Variants in DPP6 observed in about 807,000 individuals in gnomAD.
DPP6 encodes A-type potassium channel modulatory protein DPP6.
Under a neutral mutation model 122.6 loss-of-function variants are expected in DPP6, and 69 were observed. The observed-to-expected ratio is 0.56, with a 90% CI of 0.46 to 0.69. The LOEUF is 0.69. Ranked by LOEUF, DPP6 falls within the 30% of genes least tolerant of loss-of-function variation. The probability of loss-of-function intolerance (pLI) is 0.00; values close to 1 mark genes in which losing one functional copy is unlikely to be tolerated. For synonymous variants in DPP6, 418 were observed against 433.1 expected (o/e 0.97, Z 0.43); for missense variants, 928 against 1,116.9 (o/e 0.83, Z 2.41).
At chr7:154,497,737 A>T (rs980564457) in intron 3 of DPP6, among the ~76,000 whole-genome samples, 9 of 152,146 alleles carry the variant, frequency 5.9e-5, no homozygotes, top group South Asian at 2.1e-4. Flanking sequence ...CCCATTTTTT[A>T]AAATTGGCAT....
At chr7:153,977,243 T>G (rs1796357036) in intron 1 of DPP6, among the ~76,000 whole-genome samples, 1 of 151,896 alleles carries the variant, frequency 6.6e-6, no homozygotes, top group Admixed American at 6.6e-5. Context: ...TTTGATCAGC[T>G]TTTATTACAA....
intron 16 of DPP6, among the ~76,000 whole-genome samples, chr7:154,853,155 G>T (rs764102767): frequency 1.3e-5 from 2 of 152,080 alleles, no homozygotes; most frequent in Non-Finnish European, 2.9e-5. Flanking sequence ...AAGAAGAATC[G>T]AGAAGTCACC....
At chr7:153,988,172 G>C (rs1221865997) in intron 1 of DPP6, among the ~76,000 whole-genome samples, 1 of 152,184 alleles carries the variant, frequency 6.6e-6, no homozygotes, top group South Asian at 2.1e-4. Context: ...GACGGAGGAG[G>C]GAGGGAGGGC....
chr7:154,213,098 A>G (rs1242611573), intron 1 of DPP6, among the ~76,000 whole-genome samples: 1 of 152,078 alleles, frequency 6.6e-6, no homozygotes, highest in African/African-American at 2.4e-5. Flanking sequence ...AGGTGGGAGG[A>G]TGCCACCTGC....
At chr7:154,842,392 T>G (rs1195531343) in intron 16 of DPP6, among the ~76,000 whole-genome samples, 1 of 152,270 alleles carries the variant, frequency 6.6e-6, no homozygotes, top group East Asian at 1.9e-4. Flanking sequence ...ATGACTTTTT[T>G]CTTTTACAGT....
intron 19 of DPP6, among the ~76,000 whole-genome samples, chr7:154,873,315 T>C (rs940756081): frequency 1.3e-5 from 2 of 152,180 alleles, no homozygotes; most frequent in African/African-American, 2.4e-5. Flanking sequence ...CTAGGTGATG[T>C]CCACGCGCTG....
chr7:154,780,481 T>G (rs1419869746), intron 10 of DPP6, among the ~76,000 whole-genome samples: 1 of 152,156 alleles, frequency 6.6e-6, no homozygotes, highest in Non-Finnish European at 1.5e-5. Context: ...AAAAATAAAA[T>G]GGGATTCTGC....
chr7:154,373,796 T>G (rs1381835777), intron 1 of DPP6, among the ~76,000 whole-genome samples: 1 of 152,112 alleles, frequency 6.6e-6, no homozygotes, highest in Non-Finnish European at 1.5e-5. Context: ...CATTCCCTCC[T>G]CCCGCAGCCC....
chr7:154,167,500 T>G (rs894418648), intron 1 of DPP6, among the ~76,000 whole-genome samples: 1 of 152,270 alleles, frequency 6.6e-6, no homozygotes, highest in African/African-American at 2.4e-5. Flanking sequence ...AATGATCATT[T>G]AGATCAGCTT....
In DPP6 at chr7:154,699,897, A is replaced by G. The variant is rs142379326; in HGVS notation, c.763-27870A>G. Among the ~76,000 whole-genome samples the G allele has an allele frequency of 7.2e-3, 1,093 of 152,284 alleles. 11 individuals carry two copies. Among genetic ancestry groups the G allele is most frequent in the African/African-American group, 0.025 (1,019 of 41,560 alleles). On this transcript the variant is annotated intron_variant, in intron 7 of 25. Transcript: ENST00000377770. ...AGGTGTTCTGACGAGGGGAGTCTTC[A>G]GAGTGTGGGCTCTGGAGTCGGACAG...
chr7:154,580,210 CACAT>C (rs911164081), intron 5 of DPP6, among the ~76,000 whole-genome samples: 5 of 151,300 alleles, frequency 3.3e-5, no homozygotes, highest in East Asian at 2.0e-4. Flanking sequence ...TACACACACA[CACAT>C]ACTCTCCCTC....
intron 1 of DPP6, among the ~76,000 whole-genome samples, chr7:154,153,239 G>A (rs562088949): frequency 2.6e-5 from 4 of 152,182 alleles, no homozygotes; most frequent in Non-Finnish European, 5.9e-5. Flanking sequence ...AGGCTGGAGT[G>A]CAATGGCGGG....
Position 153,968,319 on chromosome 7 carries a change from AT to A in DPP6, c.51+80591del, listed in dbSNP as rs1275479904. Among the ~76,000 whole-genome samples, 5 of 151,728 alleles carry A rather than the reference AT, an allele frequency of 3.3e-5. 1 individual carries two copies. Among genetic ancestry groups the A allele is most frequent in the African/African-American group, 1.2e-4 (5 of 41,122 alleles). On this transcript the variant is annotated intron_variant, in intron 1 of 25. Coordinates refer to the DPP6 transcript ENST00000404039. ...TCCCTGATGATGAGTGATGTTCAGC[AT>A]TTTTTCATATGTTTGTTGGCTGCTT...
chr7:153,804,569 G>C, the DPP6 span, among the ~76,000 whole-genome samples: 3 of 152,078 alleles, frequency 2.0e-5, no homozygotes, highest in Admixed American at 1.3e-4. Context: ...AAAATATTAG[G>C]ATGGTGCAAA....
Position 154,892,485 on chromosome 7 carries a change from A to G in DPP6, c.*5A>G. ...GAGGACGAGGAGGAGGACTAAGCTC[A>G]GGTCGCTCTAAGCACAAACGTGGCT... On this transcript the variant is annotated 3_prime_UTR_variant, in exon 26 of 26. Coordinates refer to ENST00000377770, the MANE Select transcript of DPP6 (RefSeq NM_130797.4). 1 of 1,579,078 alleles carries G rather than the reference A, an allele frequency of 6.3e-7. No homozygotes were observed. The highest frequency in any genetic ancestry group is 8.6e-7 in the Non-Finnish European group (1 of 1,157,012).
intron 7 of DPP6, among the ~76,000 whole-genome samples, chr7:154,675,778 G>A (rs11973537): frequency 2.6e-5 from 4 of 152,128 alleles, no homozygotes; most frequent in African/African-American, 4.8e-5. Flanking sequence ...GCTCTGGCAC[G>A]GTCACTCTCA....
chr7:153,776,464 G>A, the DPP6 span, among the ~76,000 whole-genome samples: 62,991 of 151,848 alleles, frequency 0.41, 13,510 homozygotes, highest in South Asian at 0.52. Context: ...CCCTTCCACC[G>A]TGATTGTAAG....
intron 1 of DPP6, among the ~76,000 whole-genome samples, chr7:153,919,617 T>A (rs2129007725): frequency 6.6e-6 from 1 of 152,180 alleles, no homozygotes; most frequent in South Asian, 2.1e-4. Context: ...AAATACAAAC[T>A]CAGGTGGATG....
chr7:154,136,617 A>C (rs1000231226), intron 1 of DPP6, among the ~76,000 whole-genome samples: 43 of 152,250 alleles, frequency 2.8e-4, no homozygotes, highest in African/African-American at 9.9e-4. Flanking sequence ...ATAAACACAT[A>C]TCTTCTTCCT....
Sources: gnomAD v4.1 joint callset for allele counts (sites outside exome capture counted in the v4.1 genomes callset) on GRCh38, gnomAD v4.1.1 for gene constraint, MANE v1.5 for transcripts, NCBI Gene and HGNC (gene_info 2026-07-23, HGNC 2026-07-21) for gene names.